The following RBFOX1 variants were observed in gnomAD, a reference collection of about 807,000 sequenced individuals.
RBFOX1 encodes the protein RNA binding protein fox-1 homolog 1.
A neutral mutation model predicts 57.7 loss-of-function variants in RBFOX1; 8 were observed. The ratio of observed to expected loss-of-function variants is 0.14; its 90% CI spans 0.08 to 0.25. The LOEUF is 0.25. RBFOX1 is among the 10% of genes least tolerant of loss of function. The pLI is 1.00. For synonymous variants in RBFOX1, 326 were observed against 222.4 expected, an observed-to-expected ratio of 1.47 and a Z score of -4.15; for missense variants, 611 against 548.5, an observed-to-expected ratio of 1.11 and a Z score of -1.14.
intron 1 of RBFOX1, among the ~76,000 whole-genome samples, chr16:5,404,197 G>A (rs1235648079): frequency 6.6e-6 from 1 of 152,160 alleles, no homozygotes; most frequent in Admixed American, 6.5e-5. Flanking sequence ...TTCATACAAT[G>A]TACCTTATTT....
chr16:7,058,041 T>C (rs557484694), intron 4 of RBFOX1, among the ~76,000 whole-genome samples: 20 of 147,852 alleles, frequency 1.4e-4, no homozygotes, highest in Admixed American at 3.4e-4. Flanking sequence ...CCACCAGATA[T>C]AGATCTCTGC....
intron 5 of RBFOX1, among the ~76,000 whole-genome samples, chr16:7,564,877 G>A (rs908814011): frequency 3.3e-5 from 5 of 152,172 alleles, no homozygotes; most frequent in African/African-American, 9.6e-5. Context: ...TCCTTTCAGA[G>A]GAATTTCATC....
At chr16:6,857,664 C>G (rs1395827547) in intron 3 of RBFOX1, among the ~76,000 whole-genome samples, 2 of 152,190 alleles carry the variant, frequency 1.3e-5, no homozygotes, top group Non-Finnish European at 2.9e-5. Flanking sequence ...TACATGGAAA[C>G]TTACTCTCTG....
At chr16:6,882,723 T>G (rs2063205724) in intron 3 of RBFOX1, among the ~76,000 whole-genome samples, 1 of 152,070 alleles carries the variant, frequency 6.6e-6, no homozygotes, top group South Asian at 2.1e-4. Context: ...GAGTCTGACA[T>G]AACCAACGGC....
At chr16:6,381,671 T>G (rs1368002401) in intron 2 of RBFOX1, among the ~76,000 whole-genome samples, 6 of 152,190 alleles carry the variant, frequency 3.9e-5, no homozygotes, top group Admixed American at 6.5e-5. Context: ...ACAGATGAGT[T>G]TGCTTCTGTC....
chr16:6,638,010 T>C (rs977305721), intron 2 of RBFOX1, among the ~76,000 whole-genome samples: 1 of 152,134 alleles, frequency 6.6e-6, no homozygotes, highest in Non-Finnish European at 1.5e-5. Flanking sequence ...ATTCCCAGGA[T>C]GACATGTTTG....
intron 4 of RBFOX1, among the ~76,000 whole-genome samples, chr16:7,093,420 C>A (rs1215393077): frequency 6.6e-6 from 1 of 152,188 alleles, no homozygotes; most frequent in Non-Finnish European, 1.5e-5. Context: ...CCCACTTCTT[C>A]TTTGACACTC....
rs1332406935 is a variant in RBFOX1, at chr16:6,676,799, C to A, written c.-16+22149C>A. 5.9e-5 allele frequency among the ~76,000 whole-genome samples: 9 copies of A among 151,508 alleles called. No individual in the cohort carries two copies. The East Asian group carries it at 1.8e-3, about 29-fold the overall frequency. On this transcript the variant is annotated intron_variant, in intron 3 of 15. Coordinates refer to ENST00000550418, the MANE Select transcript of RBFOX1 (RefSeq NM_018723.4). Reference sequence around the variant, plus strand: ...GAAGCATTTCTCCTGCCTCAGCCTCCCTAGTAGCTGGGATTACAGGCACCC... The same window carrying A: ...GAAGCATTTCTCCTGCCTCAGCCTCACTAGTAGCTGGGATTACAGGCACCC...
intron 4 of RBFOX1, among the ~76,000 whole-genome samples, chr16:5,961,872 G>A (rs139193655): frequency 9.7e-4 from 147 of 152,254 alleles, no homozygotes; most frequent in African/African-American, 3.1e-3. Context: ...ACTGGATTCA[G>A]TTGCTTCTAG....
chr16:5,676,544 T>C (rs1220912805), intron 3 of RBFOX1, among the ~76,000 whole-genome samples: 1 of 152,172 alleles, frequency 6.6e-6, no homozygotes, highest in Non-Finnish European at 1.5e-5. Flanking sequence ...GTTGTGAGGA[T>C]TGAATGAGAT....
intron 14 of RBFOX1, among the ~76,000 whole-genome samples, chr16:7,691,053 A>C (rs886968987): frequency 6.6e-6 from 1 of 152,160 alleles, no homozygotes; most frequent in Non-Finnish European, 1.5e-5. Flanking sequence ...AACTCTATAG[A>C]AAGGCACTTT....
chr16:6,234,954 G>T (rs577187949), intron 1 of RBFOX1, among the ~76,000 whole-genome samples: 4 of 152,184 alleles, frequency 2.6e-5, no homozygotes, highest in Non-Finnish European at 5.9e-5. Flanking sequence ...TGGGTAAATT[G>T]TGCATAGGAG....
intron 3 of RBFOX1, among the ~76,000 whole-genome samples, chr16:5,628,636 C>T (rs2048412951): frequency 2.0e-5 from 3 of 152,218 alleles, no homozygotes; most frequent in Admixed American, 1.3e-4. Context: ...CCCCAAGAAC[C>T]CACAGCTGAG....
intron 3 of RBFOX1, among the ~76,000 whole-genome samples, chr16:6,712,892 T>G (rs1351232099): frequency 6.4e-5 from 8 of 124,458 alleles, no homozygotes; most frequent in East Asian, 2.1e-4. Context: ...TGTTTTTTTT[T>G]TTTTTTTTTT....
intron 3 of RBFOX1, among the ~76,000 whole-genome samples, chr16:5,762,939 C>A (rs1223890451): frequency 1.3e-5 from 2 of 152,136 alleles, no homozygotes; most frequent in Non-Finnish European, 1.5e-5. Flanking sequence ...ATGTGAAAAG[C>A]AGTTATTGCT....
intron 1 of RBFOX1, among the ~76,000 whole-genome samples, chr16:5,459,177 A>T (rs2068716957): frequency 6.6e-6 from 1 of 152,232 alleles, no homozygotes; most frequent in Admixed American, 6.5e-5. Flanking sequence ...CAGTAATGAC[A>T]TATGATCTCC....
chr16:5,656,114 A>G (rs1228138622), intron 3 of RBFOX1, among the ~76,000 whole-genome samples: 3 of 152,230 alleles, frequency 2.0e-5, no homozygotes, highest in Non-Finnish European at 2.9e-5. Context: ...AAATATTAGT[A>G]ACTTGAATGA....
At chr16:7,475,076 C>T (rs1360656631) in intron 4 of RBFOX1, among the ~76,000 whole-genome samples, 3 of 152,100 alleles carry the variant, frequency 2.0e-5, no homozygotes, top group Non-Finnish European at 4.4e-5. Flanking sequence ...TTTGAGAGTT[C>T]AGAAGAGTTT....
At chr16:6,859,158 TATATAC>T (rs1849259802) in intron 3 of RBFOX1, among the ~76,000 whole-genome samples, 1 of 89,314 alleles carries the variant, frequency 1.1e-5, no homozygotes, top group Admixed American at 1.1e-4. Context: ...TATATGTATA[TATATAC>T]GTATATATAT....
Sources: gnomAD v4.1 joint callset for allele counts (sites outside exome capture counted in the v4.1 genomes callset) on GRCh38, gnomAD v4.1.1 for gene constraint, MANE v1.5 for transcripts, NCBI Gene and HGNC (gene_info 2026-07-23, HGNC 2026-07-21) for gene names.